Variants in BEND7 observed in about 807,000 individuals in gnomAD.
BEND7 encodes the protein BEN domain-containing protein 7.
In BEND7, 28 loss-of-function variants were observed where a neutral mutation model predicts 50.9. The observed-to-expected ratio is 0.55, with a 90% CI of 0.41 to 0.75. BEND7 has a LOEUF of 0.75. Ranked by LOEUF, BEND7 falls within the 30% of genes least tolerant of loss-of-function variation. The probability of loss-of-function intolerance (pLI) is 0.00; values close to 1 mark genes in which losing one functional copy is unlikely to be tolerated. For synonymous variants in BEND7, 170 were observed against 183.9 expected, an observed-to-expected ratio of 0.92 and a Z score of 0.61; for missense variants, 477 against 491.3, an observed-to-expected ratio of 0.97 and a Z score of 0.28.
At chr10:13,507,560 T>C (rs1480775486) in intron 2 of BEND7, among the ~76,000 whole-genome samples, 1 of 152,230 alleles carries the variant, frequency 6.6e-6, no homozygotes, top group Non-Finnish European at 1.5e-5. Flanking sequence ...CACTAATAAA[T>C]GGCCACTGAG....
At chr10:13,486,266 C>A (rs1564338296) in intron 5 of BEND7, among the ~76,000 whole-genome samples, 2 of 152,228 alleles carry the variant, frequency 1.3e-5, no homozygotes, top group Non-Finnish European at 2.9e-5. Flanking sequence ...TGGCCTCAAG[C>A]AATCCTCCTG....
At chr10:13,513,876 G>A (rs927565375) in intron 2 of BEND7, among the ~76,000 whole-genome samples, 3 of 152,134 alleles carry the variant, frequency 2.0e-5, no homozygotes, top group Non-Finnish European at 4.4e-5. Flanking sequence ...CTGGCTCTTG[G>A]GTCTGGCTGC....
chr10:13,527,773 T>C (rs1334759472), intron 1 of BEND7: 2 of 920,598 alleles, frequency 2.2e-6, no homozygotes, highest in African/African-American at 3.6e-5. Flanking sequence ...AACAAGTAAC[T>C]GAACACAGAC....
chr10:13,440,421 G>C (rs1835175806), downstream of BEND7, among the ~76,000 whole-genome samples: 1 of 152,228 alleles, frequency 6.6e-6, no homozygotes, highest in Non-Finnish European at 1.5e-5. Context: ...AGCTCGCCCT[G>C]TGGCTCCCTG....
intron 5 of BEND7, among the ~76,000 whole-genome samples, chr10:13,490,116 T>A (rs548823108): frequency 9.8e-5 from 15 of 152,316 alleles, no homozygotes; most frequent in African/African-American, 3.4e-4. Flanking sequence ...GACAGCCCCT[T>A]GTGGGCCCTT....
intron 6 of BEND7, among the ~76,000 whole-genome samples, chr10:13,475,432 G>A (rs747619340): frequency 2.0e-5 from 3 of 152,174 alleles, no homozygotes; most frequent in Non-Finnish European, 4.4e-5. Context: ...GCTATATCAA[G>A]TGTTTACTCC....
At chr10:13,494,086 A>G (rs11258419) in intron 4 of BEND7, among the ~76,000 whole-genome samples, 78,983 of 152,104 alleles carry the variant, frequency 0.52, 20,907 homozygotes, top group Non-Finnish European at 0.56. Context: ...AATGGTTCTC[A>G]ACCTTGGTTG....
chr10:13,509,344 G>C (rs557958040), intron 2 of BEND7, among the ~76,000 whole-genome samples: 263 of 152,096 alleles, frequency 1.7e-3, no homozygotes, highest in African/African-American at 6.1e-3. Context: ...AGCTTCCTAC[G>C]GACCCTGGGC....
Position 13,525,017 on chromosome 10 carries a change from A to G in BEND7, c.145+1121T>C, listed in dbSNP as rs528845429. On this transcript the variant is annotated intron_variant, in intron 2 of 8. Transcript: ENST00000466271. The stretch of plus-strand genomic sequence containing the variant: ...GAGAGCTTCGTTTGAAGGCTGACCC[A>G]CACCGGGTCTGAGCAGCAGTCCTGC... Among the ~76,000 whole-genome samples, 7 of 152,294 alleles carry G rather than the reference A, an allele frequency of 4.6e-5. No homozygotes were observed. In the South Asian group the frequency reaches 1.2e-3, roughly 27 times the overall value.
At chr10:13,515,927 C>T (rs915930159) in intron 2 of BEND7, among the ~76,000 whole-genome samples, 3 of 151,830 alleles carry the variant, frequency 2.0e-5, no homozygotes, top group South Asian at 2.1e-4. Flanking sequence ...CAATGGTGTA[C>T]GTTTACGCTG....
At chr10:13,529,028 G>C (rs2079579266), upstream of BEND7, 1 of 145,276 alleles carries the variant, frequency 6.9e-6, no homozygotes, top group South Asian at 1.8e-4. Context: ...TGCAGAGCCG[G>C]CCGGGGCGCT....
chr10:13,509,695 G>A (rs1424685457), intron 2 of BEND7, among the ~76,000 whole-genome samples: 1 of 152,198 alleles, frequency 6.6e-6, no homozygotes, highest in Admixed American at 6.5e-5. Flanking sequence ...CTTTGGGGAG[G>A]AGAAAAGAGA....
chr10:13,450,854 G>T (rs66475845), intron 7 of BEND7, among the ~76,000 whole-genome samples: 39,607 of 151,768 alleles, frequency 0.26, 5,404 homozygotes, highest in African/African-American at 0.36. Context: ...ATGGGCATTT[G>T]TGATGGGAAT....
chr10:13,477,052 C>T (rs1016234974), intron 6 of BEND7, among the ~76,000 whole-genome samples: 8 of 152,016 alleles, frequency 5.3e-5, no homozygotes, highest in Admixed American at 6.6e-5. Flanking sequence ...TATTAATTAC[C>T]ACTACAAAAA....
intron 6 of BEND7, among the ~76,000 whole-genome samples, chr10:13,474,469 C>T (rs12573227): frequency 0.1 from 15,632 of 151,836 alleles, 857 homozygotes; most frequent in South Asian, 0.13. Context: ...GGTCAATACC[C>T]GTCATCACTG....
intron 2 of BEND7, among the ~76,000 whole-genome samples, chr10:13,510,470 A>G (rs2132445582): frequency 6.6e-6 from 1 of 152,338 alleles, no homozygotes; most frequent in East Asian, 1.9e-4. Context: ...CTACGGCATC[A>G]TTTTACAAGG....
At chr10:13,439,095 A>G (rs1835043030), downstream of BEND7, 2 of 1,362,152 alleles carry the variant, frequency 1.5e-6, no homozygotes, top group Admixed American at 2.2e-5. Context: ...CTGAAATCTT[A>G]ACAGCCTGAC....
chr10:13,511,049 A>G (rs1221667561), intron 2 of BEND7, among the ~76,000 whole-genome samples: 1 of 152,150 alleles, frequency 6.6e-6, no homozygotes, highest in Non-Finnish European at 1.5e-5. Flanking sequence ...GTGTGATGGT[A>G]GGCACCTGTA....
chr10:13,473,315 T>TA (rs1369137847), intron 6 of BEND7, among the ~76,000 whole-genome samples: 2 of 151,912 alleles, frequency 1.3e-5, no homozygotes, highest in Non-Finnish European at 2.9e-5. Flanking sequence ...TCATCGCTGT[T>TA]AGACTCGGGG....
Sources: allele counts gnomAD v4.1 joint callset (sites outside exome capture counted in the v4.1 genomes callset), GRCh38; gene constraint gnomAD v4.1.1; transcripts MANE v1.5; gene names NCBI Gene and HGNC (gene_info 2026-07-23, HGNC 2026-07-21).